OR1L8: variants seen among roughly 807,000 people sequenced by gnomAD.
OR1L8 encodes olfactory receptor family 1 subfamily L member 8, also known as olfactory receptor 1L8.
For synonymous variants in OR1L8, 148 were observed against 147.0 expected (o/e 1.01, Z -0.05); for missense variants, 330 against 377.4 (o/e 0.87, Z 1.04).
the OR1L8 span, among the ~76,000 whole-genome samples, chr9:122,559,656 G>A: frequency 6.6e-6 from 1 of 151,574 alleles, no homozygotes; most frequent in African/African-American, 2.4e-5. Context: ...TTAATCTTGA[G>A]TTCTAATTTG....
rs1343197461 is a variant in OR1L8 at position 122,568,250 on chromosome 9, T to A, written c.228A>T (p.Thr76=). 3 of 1,613,984 alleles carry A rather than the reference T, an allele frequency of 1.9e-6. No homozygotes were observed. Among genetic ancestry groups the A allele is most frequent in the Non-Finnish European group, 2.5e-6 (3 of 1,179,872 alleles). The change falls in exon 5 of 5, where the codon ACA becomes ACT. Residue 76 remains threonine (T), a synonymous_variant. Coordinates refer to ENST00000641027, the MANE Select transcript of OR1L8 (RefSeq NM_001004454.2). The stretch of plus-strand genomic sequence containing the variant: ...TCATCAGCATCTTGGGGACAACGCT[T>A]GTTGTAAAGCAAATATCAGTGAGAG... ...FLSLTDICFT[T]SVVPKMLMNF... is the part of the protein sequence containing the mutation.
downstream of OR1L8, among the ~76,000 whole-genome samples, chr9:122,564,407 G>A (rs1000033923): frequency 6.6e-6 from 1 of 152,144 alleles, no homozygotes; most frequent in African/African-American, 2.4e-5. Flanking sequence ...GTGGAGTGGG[G>A]GGGTATTATG....
chr9:122,558,457 G>C, the OR1L8 span, among the ~76,000 whole-genome samples: 10 of 150,002 alleles, frequency 6.7e-5, no homozygotes, highest in Non-Finnish European at 1.5e-4. Context: ...TTAAAGGTTT[G>C]ACAAATGCTT....
chr9:122,548,050 A>T, the OR1L8 span, among the ~76,000 whole-genome samples: 1 of 152,184 alleles, frequency 6.6e-6, no homozygotes, highest in Non-Finnish European at 1.5e-5. Context: ...AGTGATGTTG[A>T]GCATTTTCCT....
At position 122,568,042 on chromosome 9, in the gene OR1L8, C is replaced by T; in HGVS notation, c.436G>A (p.Val146Met). 1 of 1,613,996 alleles carries T rather than the reference C, an allele frequency of 6.2e-7. No homozygotes were observed. The highest frequency in any genetic ancestry group is 1.7e-5 in the Admixed American group (1 of 60,008). Residue 146 changes from valine to methionine, a missense_variant, in exon 5 of 5, where the codon GTG becomes ATG. By Grantham distance (21) the Val-to-Met change is conservative. Transcript: ENST00000641027. ...TMSHHHCVLL[V>M]AFSCSFPHLH... ...TGAGGAAATGAGCAGGAGAAGGCCA[C>T]CAGCAGGACACAGTGGTGGTGGCTC...
At chr9:122,562,529 C>T (rs559002546), downstream of OR1L8, among the ~76,000 whole-genome samples, 1 of 152,256 alleles carries the variant, frequency 6.6e-6, no homozygotes, top group African/African-American at 2.4e-5. Flanking sequence ...CTGGGTAGCA[C>T]GCTCACTCAC....
At chr9:122,579,616 ATATT>A (rs1189869094) in intron 1 of OR1L8, among the ~76,000 whole-genome samples, 1 of 152,120 alleles carries the variant, frequency 6.6e-6, no homozygotes, top group Non-Finnish European at 1.5e-5. Flanking sequence ...TTTTAATTAG[ATATT>A]AGTTGTGATG....
rs150230857 is a variant in OR1L8 at position 122,571,813 on chromosome 9, T to C, written c.-213+967A>G. On this transcript the variant is annotated intron_variant, in intron 4 of 4. Coordinates refer to ENST00000641027, the MANE Select transcript of OR1L8 (RefSeq NM_001004454.2). ...AGTGCCTTGGACTTGAGGCAGAAGATGCAGGCTGGATTTGTCCTCTATCAC... is the reference window on the plus strand; with the variant it reads ...AGTGCCTTGGACTTGAGGCAGAAGACGCAGGCTGGATTTGTCCTCTATCAC... Among the ~76,000 whole-genome samples the C allele has an allele frequency of 4.1e-3, 631 of 152,186 alleles. 2 individuals are homozygous for C. Among genetic ancestry groups the C allele is most frequent in the Middle Eastern group, 0.014 (4 of 294 alleles).
chr9:122,581,162 T>A (rs1185012672), intron 1 of OR1L8, among the ~76,000 whole-genome samples: 1 of 151,880 alleles, frequency 6.6e-6, no homozygotes, highest in Non-Finnish European at 1.5e-5. Context: ...GGTCAGGAGA[T>A]CGAGACCATC....
At chr9:122,555,472 A>G in the OR1L8 span, among the ~76,000 whole-genome samples, 15 of 152,282 alleles carry the variant, frequency 9.9e-5, no homozygotes, top group South Asian at 2.1e-4. Context: ...TGCCAAGGCA[A>G]AGGTTGGGAA....
chr9:122,549,327 G>A, the OR1L8 span, among the ~76,000 whole-genome samples: 1 of 152,138 alleles, frequency 6.6e-6, no homozygotes, highest in Non-Finnish European at 1.5e-5. Context: ...AGAAGCAGAT[G>A]CTGGCACTAT....
At chr9:122,582,634 C>G (rs1160941839) in intron 1 of OR1L8, among the ~76,000 whole-genome samples, 1 of 152,042 alleles carries the variant, frequency 6.6e-6, no homozygotes, top group Non-Finnish European at 1.5e-5. Context: ...ATGGAAGGAT[C>G]ACTTGAGCCC....
chr9:122,575,508 ATTTTCTTTT>A (rs1245335100), intron 3 of OR1L8, among the ~76,000 whole-genome samples: 1 of 151,804 alleles, frequency 6.6e-6, no homozygotes, highest in African/African-American at 2.4e-5. Flanking sequence ...GTATTTCTTT[ATTTTCTTTT>A]AATGTCCATG....
the OR1L8 span, among the ~76,000 whole-genome samples, chr9:122,561,575 A>G: frequency 6.6e-6 from 1 of 151,646 alleles, no homozygotes; most frequent in African/African-American, 2.4e-5. Flanking sequence ...TTTTTCTTTC[A>G]GTGGTCAGGT....
At chr9:122,570,350 C>A (rs1388641606) in intron 4 of OR1L8, among the ~76,000 whole-genome samples, 1 of 152,190 alleles carries the variant, frequency 6.6e-6, no homozygotes, top group Non-Finnish European at 1.5e-5. Context: ...TGTGAAACAA[C>A]TTCTTTACAG....
the OR1L8 span, chr9:122,553,317 G>A: frequency 5.0e-6 from 8 of 1,613,922 alleles, no homozygotes; most frequent in Non-Finnish European, 6.8e-6. Context: ...CATCTTCCTT[G>A]GCATGTACCT....
the OR1L8 span, among the ~76,000 whole-genome samples, chr9:122,549,850 T>C: frequency 6.6e-6 from 1 of 152,178 alleles, no homozygotes; most frequent in Non-Finnish European, 1.5e-5. Context: ...TTGTGATCTT[T>C]TTTGGTTCCA....
At chr9:122,566,810 C>T (rs1040634614), downstream of OR1L8, among the ~76,000 whole-genome samples, 1 of 152,118 alleles carries the variant, frequency 6.6e-6, no homozygotes, top group African/African-American at 2.4e-5. Context: ...TTAAATCACA[C>T]ATTTTAAACA....
At chr9:122,570,376 C>T (rs987667017) in intron 4 of OR1L8, among the ~76,000 whole-genome samples, 2 of 152,218 alleles carry the variant, frequency 1.3e-5, no homozygotes, top group Non-Finnish European at 2.9e-5. Flanking sequence ...TATTCTTTTA[C>T]ACATTGTGAA....
Sources: allele counts gnomAD v4.1 joint callset (sites outside exome capture counted in the v4.1 genomes callset), GRCh38; gene constraint gnomAD v4.1.1; transcripts MANE v1.5; gene names NCBI Gene and HGNC (gene_info 2026-07-23, HGNC 2026-07-21).